The following PMFBP1 variants were observed in gnomAD, a reference collection of about 807,000 sequenced individuals.
The protein encoded by PMFBP1 is polyamine modulated factor 1 binding protein 1.
A neutral mutation model predicts 137.8 loss-of-function variants in PMFBP1; 131 were observed. That is an observed-to-expected ratio of 0.95 (90% CI 0.82 to 1.10). The LOEUF (loss-of-function observed/expected upper bound fraction) is 1.10. Among genes scored for constraint, PMFBP1 ranks in the 50% least tolerant of loss-of-function variants. The pLI, the probability that PMFBP1 is intolerant of heterozygous loss-of-function variation, is 0.00. For synonymous variants in PMFBP1, 490 were observed against 450.4 expected, an observed-to-expected ratio of 1.09 and a Z score of -1.11; for missense variants, 1,199 against 1,175.4, an observed-to-expected ratio of 1.02 and a Z score of -0.29.
the PMFBP1 span, among the ~76,000 whole-genome samples, chr16:72,239,995 G>T: frequency 6.6e-6 from 1 of 151,816 alleles, no homozygotes; most frequent in Non-Finnish European, 1.5e-5. Context: ...ATACTCGAGG[G>T]TTTAGGGGTT....
intron 5 of PMFBP1, among the ~76,000 whole-genome samples, chr16:72,143,026 A>G (rs1413449989): frequency 6.6e-6 from 1 of 152,238 alleles, no homozygotes; most frequent in Non-Finnish European, 1.5e-5. Flanking sequence ...GGTTTATTCC[A>G]GGAACATAAA....
At chr16:72,185,531 C>T in the PMFBP1 span, among the ~76,000 whole-genome samples, 24 of 152,200 alleles carry the variant, frequency 1.6e-4, no homozygotes, top group South Asian at 5.0e-3. Context: ...TCTACAAAGC[C>T]TTCTCTGAAT....
At chr16:72,239,363 T>C in the PMFBP1 span, among the ~76,000 whole-genome samples, 1 of 152,212 alleles carries the variant, frequency 6.6e-6, no homozygotes, top group Non-Finnish European at 1.5e-5. Context: ...CATATTTTGT[T>C]AAGGCTTTTT....
the PMFBP1 span, among the ~76,000 whole-genome samples, chr16:72,237,559 TA>T: frequency 6.6e-6 from 1 of 152,132 alleles, no homozygotes; most frequent in Non-Finnish European, 1.5e-5. Context: ...AATTTCTTTT[TA>T]AAAAATTTTT....
chr16:72,174,541 A>G (rs2043250038), upstream of PMFBP1, among the ~76,000 whole-genome samples: 1 of 152,244 alleles, frequency 6.6e-6, no homozygotes, highest in South Asian at 2.1e-4. Context: ...TCAGTAGGCC[A>G]CATGTACTAG....
At chr16:72,159,811 TA>T (rs1240413599) in intron 3 of PMFBP1, among the ~76,000 whole-genome samples, 3 of 150,238 alleles carry the variant, frequency 2.0e-5, no homozygotes, top group East Asian at 2.0e-4. Context: ...TTTTTTTTTT[TA>T]AAACATTCTT....
At chr16:72,216,767 G>A in the PMFBP1 span, among the ~76,000 whole-genome samples, 1 of 152,190 alleles carries the variant, frequency 6.6e-6, no homozygotes, top group Non-Finnish European at 1.5e-5. Context: ...GCAGAGATCT[G>A]CCCCATAGGA....
the PMFBP1 span, among the ~76,000 whole-genome samples, chr16:72,196,345 C>T: frequency 6.6e-6 from 1 of 152,272 alleles, no homozygotes; most frequent in East Asian, 1.9e-4. Context: ...TTCTTCTGTG[C>T]TTGGTGTCTT....
At chr16:72,183,023 G>A in the PMFBP1 span, among the ~76,000 whole-genome samples, 1 of 152,050 alleles carries the variant, frequency 6.6e-6, no homozygotes, top group Non-Finnish European at 1.5e-5. Flanking sequence ...GAGGGTCTTG[G>A]GGCTTTCTCC....
At chr16:72,244,636 C>A in the PMFBP1 span, among the ~76,000 whole-genome samples, 1 of 152,156 alleles carries the variant, frequency 6.6e-6, no homozygotes, top group Admixed American at 6.5e-5. Flanking sequence ...TCTTTTCCTC[C>A]AAAACTGGGT....
chr16:72,136,564 C>A lies in PMFBP1; in HGVS notation c.1087G>T (p.Glu363Ter). 3.7e-6 allele frequency: 6 copies of A among 1,614,030 alleles called. No individual in the cohort carries two copies. The highest frequency in any genetic ancestry group is 5.1e-6 in the Non-Finnish European group (6 of 1,179,990). ...LELDLHGLRE[E>*]TSAHIERKDK... ...TTCCTCTCAATGTGGGCAGATGTCT[C>A]CTCCCGCAGTCCGTGCAGGTCCAGC... Residue 363 changes from glutamate to a stop codon, truncating the protein, a stop_gained, in exon 9 of 21, where the codon GAG (glutamate) becomes TAG (stop). Coordinates refer to ENST00000237353, the MANE Select transcript of PMFBP1 (RefSeq NM_031293.3). LOFTEE classifies it high-confidence loss of function.
chr16:72,224,949 C>A, the PMFBP1 span: 1 of 152,210 alleles, frequency 6.6e-6, no homozygotes, highest in African/African-American at 2.4e-5. Context: ...TTATACTCTA[C>A]TAACAATAAA....
intron 6 of PMFBP1, among the ~76,000 whole-genome samples, chr16:72,139,878 C>T (rs2042689812): frequency 6.6e-6 from 1 of 152,080 alleles, no homozygotes; most frequent in Non-Finnish European, 1.5e-5. Flanking sequence ...AAGACCTGAG[C>T]ATGGAAAAGT....
the PMFBP1 span, among the ~76,000 whole-genome samples, chr16:72,249,282 T>C: frequency 6.6e-6 from 1 of 152,198 alleles, no homozygotes; most frequent in South Asian, 2.1e-4. Context: ...CTCAGGACTT[T>C]TGATAATATA....
At chr16:72,157,959 T>A (rs908048754) in intron 3 of PMFBP1, among the ~76,000 whole-genome samples, 21 of 152,132 alleles carry the variant, frequency 1.4e-4, no homozygotes, top group Non-Finnish European at 2.8e-4. Context: ...TGCCAGGGTT[T>A]TTGTCTGAGT....
At chr16:72,223,636 G>A in the PMFBP1 span, among the ~76,000 whole-genome samples, 1 of 152,322 alleles carries the variant, frequency 6.6e-6, no homozygotes, top group South Asian at 2.1e-4. Flanking sequence ...CAGGTCACCT[G>A]CCCAAATCAT....
the PMFBP1 span, among the ~76,000 whole-genome samples, chr16:72,215,924 C>A: frequency 6.6e-6 from 1 of 152,196 alleles, no homozygotes; most frequent in East Asian, 1.9e-4. Flanking sequence ...CCTTTACCCC[C>A]TTTGGGTGTA....
intron 12 of PMFBP1, among the ~76,000 whole-genome samples, 158 bp downstream of exon 12, chr16:72,130,055 A>G (rs553272419): frequency 6.8e-6 from 1 of 146,948 alleles, no homozygotes; most frequent in East Asian, 2.0e-4. Flanking sequence ...GGGTCTTGCT[A>G]TGTTGCCTAG....
chr16:72,152,673 C>T (rs1299066123), intron 4 of PMFBP1, among the ~76,000 whole-genome samples: 3 of 151,824 alleles, frequency 2.0e-5, no homozygotes, highest in Non-Finnish European at 4.4e-5. Flanking sequence ...GGTGAAACCC[C>T]GTCTCTACTA....
Sources: gnomAD v4.1 joint callset for allele counts (sites outside exome capture counted in the v4.1 genomes callset) on GRCh38, gnomAD v4.1.1 for gene constraint, MANE v1.5 for transcripts, NCBI Gene and HGNC (gene_info 2026-07-23, HGNC 2026-07-21) for gene names.